The following RGS10 variants were observed in gnomAD, a reference collection of about 807,000 sequenced individuals.
The protein encoded by RGS10 is regulator of G protein signaling 10, also known as regulator of G-protein signalling 10.
RGS10 carries 11 observed loss-of-function variants against 23.5 expected under a neutral mutation model. That is an observed-to-expected ratio of 0.47 (90% CI 0.29 to 0.77). The LOEUF is 0.77. RGS10 is among the 30% of genes least tolerant of loss of function. RGS10 has a pLI of 0.08. For synonymous variants in RGS10, 77 were observed against 83.2 expected, an observed-to-expected ratio of 0.92 and a Z score of 0.41; for missense variants, 180 against 226.3, an observed-to-expected ratio of 0.80 and a Z score of 1.31.
At chr10:119,508,482 C>T (rs1215578350) in intron 4 of RGS10, among the ~76,000 whole-genome samples, 6 of 152,176 alleles carry the variant, frequency 3.9e-5, no homozygotes, top group Non-Finnish European at 8.8e-5. Flanking sequence ...GACCATGCTG[C>T]GCTGTATATA....
At chr10:119,515,078 A>C (rs75362305) in intron 4 of RGS10, among the ~76,000 whole-genome samples, 1 of 152,324 alleles carries the variant, frequency 6.6e-6, no homozygotes, top group Non-Finnish European at 1.5e-5. Context: ...TTACAGCATT[A>C]GGCCACCAGA....
At chr10:119,502,857 T>G (rs1843967681) in intron 4 of RGS10, among the ~76,000 whole-genome samples, 1 of 152,188 alleles carries the variant, frequency 6.6e-6, no homozygotes, top group Non-Finnish European at 1.5e-5. Flanking sequence ...CTGCAGTGAC[T>G]GGGAGGCAGC....
At chr10:119,533,682 T>C (rs1480124795) in intron 1 of RGS10, among the ~76,000 whole-genome samples, 5 of 152,232 alleles carry the variant, frequency 3.3e-5, no homozygotes, top group Non-Finnish European at 1.5e-5. Context: ...ATGTCAGGCA[T>C]GTTCTCCAGC....
chr10:119,539,341 C>T (rs556147842), intron 1 of RGS10, among the ~76,000 whole-genome samples: 8 of 152,370 alleles, frequency 5.3e-5, no homozygotes, highest in Admixed American at 1.3e-4. Flanking sequence ...AGGGTTTAAT[C>T]GGATCCTGTA....
Position 119,540,496 on chromosome 10 carries a change from C to T in RGS10, c.49+2094G>A, listed in dbSNP as rs943817780. ...GGAACTCCTGGGCTCAAGCAATCCT[C>T]CTGCCTCAGCCTCCCAAAGTGCTGG... is the stretch of plus-strand genomic sequence containing the variant. On this transcript the variant is annotated intron_variant, in intron 1 of 4. Coordinates refer to ENST00000369103, the MANE Select transcript of RGS10 (RefSeq NM_001005339.2). Among the ~76,000 whole-genome samples the T allele has an allele frequency of 3.3e-5, 5 of 152,230 alleles. No individual in the cohort carries two copies. The South Asian group carries it at 1.0e-3, about 32-fold the overall frequency.
chr10:119,522,193 C>T (rs1245191151), intron 3 of RGS10, among the ~76,000 whole-genome samples: 1 of 152,166 alleles, frequency 6.6e-6, no homozygotes, highest in South Asian at 2.1e-4. Context: ...ACACAGAAGA[C>T]GGACAAGTAA....
Position 119,527,992 on chromosome 10 carries a change from C to T in RGS10, c.50-568G>A, listed in dbSNP as rs1457088676. 3.9e-5 allele frequency among the ~76,000 whole-genome samples: 6 copies of T among 152,174 alleles called. No individual in the cohort carries two copies. The East Asian group carries it at 7.7e-4, about 20-fold the overall frequency. ...AAATGTCAGAGGGTTGCCAGAATAC[C>T]CAGGCATCAAGATAAATGTCATTTC... On this transcript the variant is annotated intron_variant, in intron 1 of 4. Coordinates refer to ENST00000369103, the MANE Select transcript of RGS10 (RefSeq NM_001005339.2). This position sits in a 1 kb window ranked among gnomAD's most constrained non-coding sequence, Gnocchi z 4.2.
chr10:119,535,837 G>A (rs1463725442), intron 1 of RGS10, among the ~76,000 whole-genome samples: 1 of 152,148 alleles, frequency 6.6e-6, no homozygotes, highest in Non-Finnish European at 1.5e-5. Flanking sequence ...ATGCACAGGC[G>A]TGCACACACA....
chr10:119,505,322 C>CTTTTTTTTTTTTTTT (rs11317053), intron 4 of RGS10, among the ~76,000 whole-genome samples: 4 of 90,076 alleles, frequency 4.4e-5, no homozygotes, highest in Non-Finnish European at 8.3e-5. Flanking sequence ...CATTCTGCAT[C>CTTTTTTTTTTTTTTT]TTTTTTTTTT....
At chr10:119,506,172 G>A (rs1045335859) in intron 4 of RGS10, among the ~76,000 whole-genome samples, 13 of 152,274 alleles carry the variant, frequency 8.5e-5, no homozygotes, top group African/African-American at 2.9e-4. Flanking sequence ...CGAGGCTGTC[G>A]GGGCAAGGCG....
intron 1 of RGS10, among the ~76,000 whole-genome samples, chr10:119,532,127 T>C (rs1298810224): frequency 6.6e-6 from 1 of 152,202 alleles, no homozygotes; most frequent in African/African-American, 2.4e-5. Flanking sequence ...TCCCCAAAAA[T>C]GTTGGTTTGA....
chr10:119,521,391 C>T (rs776153957), intron 3 of RGS10, among the ~76,000 whole-genome samples: 4 of 151,722 alleles, frequency 2.6e-5, no homozygotes, highest in Non-Finnish European at 5.9e-5. Flanking sequence ...ACCAACATGG[C>T]GAAACCCCAT....
At chr10:119,511,809 C>A (rs1163045039) in intron 4 of RGS10, among the ~76,000 whole-genome samples, 2 of 152,066 alleles carry the variant, frequency 1.3e-5, no homozygotes, top group African/African-American at 2.4e-5. Flanking sequence ...AGGCTCAGGC[C>A]TCGGTGCTGT....
intron 3 of RGS10, among the ~76,000 whole-genome samples, chr10:119,525,567 A>G (rs912281519): frequency 4.6e-5 from 7 of 152,246 alleles, no homozygotes; most frequent in African/African-American, 1.7e-4. Context: ...ACATCTACCC[A>G]GGAGAACAAT....
chr10:119,503,885 A>C (rs1274912305), intron 4 of RGS10, among the ~76,000 whole-genome samples: 1 of 152,198 alleles, frequency 6.6e-6, no homozygotes, highest in African/African-American at 2.4e-5. Context: ...TACCCCTTTA[A>C]AGCCCTATCT....
chr10:119,501,963 A>G (rs1843957691), intron 4 of RGS10, among the ~76,000 whole-genome samples: 1 of 152,004 alleles, frequency 6.6e-6, no homozygotes, highest in African/African-American at 2.4e-5. Context: ...TTAAACTGTT[A>G]AACTAGCGCC....
At chr10:119,506,555 G>A (rs550459191) in intron 4 of RGS10, among the ~76,000 whole-genome samples, 11 of 152,278 alleles carry the variant, frequency 7.2e-5, no homozygotes, top group Middle Eastern at 6.8e-3. Context: ...TTTTTCTACC[G>A]TCCACACGAT....
chr10:119,542,623 C>T lies in RGS10; in HGVS notation c.16G>A (p.Val6Met), dbSNP rs1478780244. MFNRA[V>M]SRLSRKRPPS... ...GGCCGCTTCCTGCTCAGCCGGCTCA[C>T]GGCGCGGTTGAACATCGCCGCGGGC... Residue 6 changes from valine to methionine, a missense_variant, in exon 1 of 5, where the codon GTG becomes ATG. By Grantham distance (21) the Val-to-Met change is conservative. Coordinates refer to ENST00000369103, the MANE Select transcript of RGS10 (RefSeq NM_001005339.2). 1 of 1,422,988 alleles carries T rather than the reference C, an allele frequency of 7.0e-7. No individual in the cohort carries two copies. Among genetic ancestry groups the T allele is most frequent in the Admixed American group, 2.6e-5 (1 of 38,968 alleles). 88.1% of individuals were successfully genotyped at this position (1,422,988 alleles called of 1,614,324 possible). A position where few individuals can be genotyped will look rare whatever the true frequency, so the allele number is the denominator to read the frequency against.
rs1337530359 is a variant in RGS10, at chr10:119,505,285, G to A, written c.400-5026C>T. 5.9e-5 allele frequency among the ~76,000 whole-genome samples: 9 copies of A among 151,646 alleles called. No individual in the cohort carries two copies. The South Asian group carries it at 1.0e-3, about 18-fold the overall frequency. On this transcript the variant is annotated intron_variant, in intron 4 of 4. Coordinates refer to ENST00000369103, the MANE Select transcript of RGS10 (RefSeq NM_001005339.2). ...TCCAACAAACGGCTGCTGGTGAAGC[G>A]GAAAACTCAAGTTGGCGGCTGAGCT...
Sources: allele counts gnomAD v4.1 joint callset (sites outside exome capture counted in the v4.1 genomes callset), GRCh38; gene constraint gnomAD v4.1.1; non-coding constraint Gnocchi (gnomAD v3.1); transcripts MANE v1.5; gene names NCBI Gene and HGNC (gene_info 2026-07-23, HGNC 2026-07-21).